The following ZNF518A variants were observed in gnomAD, a reference collection of about 807,000 sequenced individuals.
ZNF518A encodes the protein zinc finger protein 518A, also known as zinc finger protein 518.
In ZNF518A, 47 loss-of-function variants were observed where a neutral mutation model predicts 102.7. The ratio of observed to expected loss-of-function variants is 0.46; its 90% CI spans 0.36 to 0.58. ZNF518A has a LOEUF of 0.58. ZNF518A is among the 20% of genes least tolerant of loss of function. The probability of loss-of-function intolerance (pLI) is 0.00; values close to 1 mark genes in which losing one functional copy is unlikely to be tolerated. For synonymous variants in ZNF518A, 652 were observed against 594.6 expected, an observed-to-expected ratio of 1.10 and a Z score of -1.40; for missense variants, 1,793 against 1,699.8, an observed-to-expected ratio of 1.05 and a Z score of -0.96.
intron 3 of ZNF518A, among the ~76,000 whole-genome samples, chr10:96,144,952 T>C (rs782793622): frequency 6.6e-5 from 10 of 152,210 alleles, no homozygotes; most frequent in Non-Finnish European, 1.2e-4. Context: ...GAAATAAATA[T>C]ATAGGCAAAA....
Position 96,200,294 on chromosome 10 carries a change from AT to A in ZNF518A, n.36-3275del. 1 of 637,500 alleles carries A rather than the reference AT, an allele frequency of 1.6e-6. No individual in the cohort carries two copies. The highest frequency in any genetic ancestry group is 2.8e-6 in the Non-Finnish European group (1 of 359,836). 39.5% of individuals were successfully genotyped at this position (637,500 alleles called of 1,614,324 possible). A position where few individuals can be genotyped will look rare whatever the true frequency, so the allele number is the denominator to read the frequency against. ...CACCAATAATTTTAAGATGAGTTTT[AT>A]TTTTCCTTTGATCAAACACAAGGAT... On this transcript the variant is annotated intron_variant and non_coding_transcript_variant, in intron 1 of 2. Transcript: ENST00000442635. The surrounding 1 kb of genome is among the most constrained non-coding windows in gnomAD (Gnocchi z 4.3).
Position 96,159,139 on chromosome 10 carries a change from A to C in ZNF518A, c.2817A>C (p.Leu939Phe). The C allele has an allele frequency of 1.2e-6, 2 of 1,612,886 alleles. No individual in the cohort carries two copies. The highest frequency in any genetic ancestry group is 1.7e-6 in the Non-Finnish European group (2 of 1,179,558). ...TTGTTCAGACTTCAAAAGGATTCTT[A>C]ATACCATTGAACATTACTAACAAGC... is the stretch of plus-strand genomic sequence containing the variant. Reference protein sequence around the residue: ...TIIVQTSKGFLIPLNITNKPG... With the variant: ...TIIVQTSKGFFIPLNITNKPG... The change falls in exon 6 of 6, where the codon TTA becomes TTC. Residue 939 changes from leucine (L) to phenylalanine (F), a missense_variant. Physicochemically the swap from Leu to Phe is conservative, Grantham distance 22. Transcript: ENST00000316045.
rs782249652 is a variant in ZNF518A, at chr10:96,157,880, A to G, written c.1558A>G (p.Ile520Val). Residue 520 changes from isoleucine to valine, a missense_variant, in exon 6 of 6, where the codon ATA becomes GTA. Around this residue, in one of 3 missense-constraint regions of ZNF518A, gnomAD observed 1,741 missense variants for 1,622.6 expected, o/e 1.07. Coordinates refer to ENST00000316045, the MANE Select transcript of ZNF518A (RefSeq NM_001330736.2). ...TACTCCATTTTCATGTTCATCTTCT[A>G]TACTTTCAGGGAAAGCAAGTTCAGA... is the stretch of plus-strand genomic sequence containing the variant. Reference protein sequence around the residue: ...AATPFSCSSSILSGKASSEKE... With the variant: ...AATPFSCSSSVLSGKASSEKE... 38 of 1,613,790 alleles carry G rather than the reference A, an allele frequency of 2.4e-5. No individual in the cohort carries two copies. The highest frequency in any genetic ancestry group is 1.1e-4 in the East Asian group (5 of 44,894).
intron 3 of ZNF518A, among the ~76,000 whole-genome samples, chr10:96,146,965 C>G (rs2082200725): frequency 1.3e-5 from 2 of 152,198 alleles, no homozygotes; most frequent in Admixed American, 1.3e-4. Context: ...TGGAGTTTAT[C>G]AGAGCCACTT....
intron 1 of ZNF518A, among the ~76,000 whole-genome samples, chr10:96,180,168 C>CCTG (rs1554891879): frequency 1.4e-5 from 2 of 143,742 alleles, no homozygotes; most frequent in African/African-American, 5.1e-5. Context: ...GCATGAACCA[C>CCTG]AGCTCCAGCC....
rs1380718392 is a variant in ZNF518A, at chr10:96,160,215, A to G, written c.3893A>G (p.Lys1298Arg). The G allele has an allele frequency of 1.9e-6, 3 of 1,611,952 alleles. No individual in the cohort carries two copies. The highest frequency in any genetic ancestry group is 1.7e-4 in the Middle Eastern group (1 of 6,060). The change falls in exon 6 of 6, where the codon AAG (lysine) becomes AGG (arginine). Residue 1298 changes from lysine to arginine, a missense_variant. Transcript: ENST00000316045. ...AGAAGAAAAGCAACATTGCATAGAA[A>G]GTGTAAAGAAAAGGCAAAACCTGAA... is the stretch of plus-strand genomic sequence containing the variant. ...PPRRKATLHRKCKEKAKPEDV... is the reference protein window; with the variant it reads ...PPRRKATLHRRCKEKAKPEDV...
At chr10:96,131,218 A>G (rs1328786285) in intron 1 of ZNF518A, among the ~76,000 whole-genome samples, 2 of 152,374 alleles carry the variant, frequency 1.3e-5, no homozygotes, top group Non-Finnish European at 1.5e-5. Flanking sequence ...TAGGAATTCT[A>G]TTAACTTGAA....
chr10:96,156,419 C>A lies in ZNF518A; in HGVS notation c.97C>A (p.Pro33Thr), dbSNP rs782791006. 1.2e-6 allele frequency: 2 copies of A among 1,612,264 alleles called. No homozygotes were observed. Among genetic ancestry groups the A allele is most frequent in the Non-Finnish European group, 1.7e-6 (2 of 1,179,388 alleles). Residue 33 changes from proline to threonine, a missense_variant, in exon 6 of 6, where the codon CCT (proline) becomes ACT (threonine). Physicochemically the swap from Pro to Thr is conservative, Grantham distance 38. This residue lies in a region of ZNF518A where 1,741 missense variants were observed against 1,622.6 expected (regional missense o/e 1.07). Coordinates refer to ENST00000316045, the MANE Select transcript of ZNF518A (RefSeq NM_001330736.2). ...AAATGAGATAGTTGATAGGTCGGCA[C>A]CTAAACCAAAAATTTCAGGAAGTAT... Reference protein sequence around the residue: ...VKNEIVDRSAPKPKISGSIHY... With the variant: ...VKNEIVDRSATKPKISGSIHY...
intron 3 of ZNF518A, among the ~76,000 whole-genome samples, chr10:96,142,828 CAG>C (rs1247103521): frequency 3.5e-4 from 52 of 148,340 alleles, no homozygotes; most frequent in Non-Finnish European, 6.1e-4. Context: ...TTTATTGCGA[CAG>C]AGTCTCGCTG....
In ZNF518A at chr10:96,157,221, A is replaced by T. The variant is rs782136096; in HGVS notation, c.899A>T (p.Tyr300Phe). ...YAKEKLEKDKYEKRMAKTSAG... is the reference protein window; with the variant it reads ...YAKEKLEKDKFEKRMAKTSAG... The stretch of plus-strand genomic sequence containing the variant: ...AAAGAAAAACTGGAAAAAGACAAAT[A>T]TGAAAAAAGAATGGCAAAGACTTCT... The change falls in exon 6 of 6, where the codon TAT becomes TTT. Residue 300 changes from tyrosine to phenylalanine, a missense_variant. Physicochemically the swap from Tyr to Phe is conservative, Grantham distance 22 (BLOSUM62 3). Transcript: ENST00000316045. The T allele has an allele frequency of 8.7e-6, 14 of 1,609,448 alleles. No homozygotes were observed. Among genetic ancestry groups the T allele is most frequent in the Non-Finnish European group, 1.1e-5 (13 of 1,178,160 alleles).
At chr10:96,167,525 A>G (rs962860102), downstream of ZNF518A, among the ~76,000 whole-genome samples, 7 of 152,216 alleles carry the variant, frequency 4.6e-5, no homozygotes, top group African/African-American at 1.7e-4. Context: ...CTAATGTCTC[A>G]CCAAGTAGAG....
intron 3 of ZNF518A, among the ~76,000 whole-genome samples, chr10:96,135,612 A>G (rs1554874163): frequency 2.0e-5 from 3 of 152,238 alleles, no homozygotes; most frequent in Admixed American, 6.5e-5. Context: ...CTGCCTGGAT[A>G]GGCAAGATTA....
chr10:96,192,217 A>G (rs1032121557), intron 1 of ZNF518A: 13 of 1,326,590 alleles, frequency 9.8e-6, no homozygotes, highest in Admixed American at 7.7e-5. Flanking sequence ...CATTCTGCAC[A>G]AAAAAATCTA....
chr10:96,153,243 T>C (rs782734447), intron 3 of ZNF518A, among the ~76,000 whole-genome samples: 5 of 152,230 alleles, frequency 3.3e-5, no homozygotes, highest in Admixed American at 6.5e-5. Flanking sequence ...TTTTGTTCTG[T>C]CAAGGCCCCT....
chr10:96,189,469 C>T (rs2083295837), intron 1 of ZNF518A: 1 of 627,956 alleles, frequency 1.6e-6, no homozygotes, highest in Non-Finnish European at 3.0e-6. Context: ...GGAAGAGAAC[C>T]ACCTTTTTCT....
chr10:96,168,302 C>T (rs143804071), downstream of ZNF518A, among the ~76,000 whole-genome samples: 2 of 152,190 alleles, frequency 1.3e-5, no homozygotes, highest in Non-Finnish European at 2.9e-5. Flanking sequence ...CTACGATCTG[C>T]TCCTTTATTT....
intron 3 of ZNF518A, among the ~76,000 whole-genome samples, chr10:96,151,978 T>C (rs966999285): frequency 7.2e-5 from 11 of 152,208 alleles, no homozygotes; most frequent in African/African-American, 2.4e-4. Flanking sequence ...GCTGTAATAA[T>C]ACATATATAG....
Position 96,158,547 on chromosome 10 carries a change from A to C in ZNF518A, c.2225A>C (p.Glu742Ala). ...NLYSNENQNL[E>A]CATEKSKWED... ...TACAGTAATGAAAATCAAAATTTAGAGTGTGCGACTGAAAAATCTAAATGG... is the reference window on the plus strand; with the variant it reads ...TACAGTAATGAAAATCAAAATTTAGCGTGTGCGACTGAAAAATCTAAATGG... Residue 742 changes from glutamate to alanine, a missense_variant, in exon 6 of 6, where the codon GAG becomes GCG. Transcript: ENST00000316045. The C allele has an allele frequency of 6.2e-7, 1 of 1,612,996 alleles. No homozygotes were observed. The highest frequency in any genetic ancestry group is 1.7e-5 in the Admixed American group (1 of 59,842).
Position 96,159,975 on chromosome 10 carries a change from C to T in ZNF518A, c.3653C>T (p.Ser1218Phe). 1 of 1,613,540 alleles carries T rather than the reference C, an allele frequency of 6.2e-7. No homozygotes were observed. Among genetic ancestry groups the T allele is most frequent in the Non-Finnish European group, 8.5e-7 (1 of 1,179,692 alleles). The change falls in exon 6 of 6, where the codon TCT (serine) becomes TTT (phenylalanine). Residue 1218 changes from serine (S) to phenylalanine (F), a missense_variant. Around this residue, in one of 3 missense-constraint regions of ZNF518A, gnomAD observed 1,741 missense variants for 1,622.6 expected, o/e 1.07. Transcript: ENST00000316045. ...TCTACTGCAACATGCCCAGAATCTT[C>T]TGAGGAACCAATATGTGTCAGTGAC... is the stretch of plus-strand genomic sequence containing the variant. ...ITSTATCPES[S>F]EEPICVSDCS...
Sources: gnomAD v4.1 joint callset for allele counts (sites outside exome capture counted in the v4.1 genomes callset) on GRCh38, gnomAD v4.1.1 for gene constraint, gnomAD v4.1.1 regional missense constraint, Gnocchi (gnomAD v3.1) non-coding constraint, MANE v1.5 for transcripts, NCBI Gene and HGNC (gene_info 2026-07-23, HGNC 2026-07-21) for gene names.